Variants in PCDH9 observed in about 807,000 individuals in gnomAD.
The protein encoded by PCDH9 is protocadherin 9.
Under a neutral mutation model 70.6 loss-of-function variants are expected in PCDH9, and 24 were observed. The ratio of observed to expected loss-of-function variants is 0.34; its 90% CI spans 0.25 to 0.48. PCDH9 has a LOEUF of 0.48. PCDH9 is among the 20% of genes least tolerant of loss of function. The pLI, the probability that PCDH9 is intolerant of heterozygous loss-of-function variation, is 0.99. For synonymous variants in PCDH9, 562 were observed against 558.5 expected (o/e 1.01, Z -0.09); for missense variants, 1,281 against 1,503.6 (o/e 0.85, Z 2.45).
chr13:66,684,503 G>C (rs1259382877), intron 3 of PCDH9, among the ~76,000 whole-genome samples: 1 of 152,148 alleles, frequency 6.6e-6, no homozygotes, highest in African/African-American at 2.4e-5. Flanking sequence ...TACTGTCCTT[G>C]ACAGTGAATG....
At chr13:66,631,550 A>G in intron 3 of PCDH9, 139 bp from the exon 4 acceptor site, 1 of 600,052 alleles carries the variant, frequency 1.7e-6, no homozygotes, top group Non-Finnish European at 3.0e-6. Context: ...AAAGCTAAGA[A>G]CAAGTATTAA....
At chr13:67,180,725 C>T (rs1265304960) in intron 2 of PCDH9, among the ~76,000 whole-genome samples, 1 of 152,138 alleles carries the variant, frequency 6.6e-6, no homozygotes, top group Non-Finnish European at 1.5e-5. Context: ...CTATCTATTG[C>T]TCCTTCTACC....
intron 4 of PCDH9, among the ~76,000 whole-genome samples, chr13:66,544,444 G>A (rs555893552): frequency 1.3e-5 from 2 of 152,266 alleles, no homozygotes; most frequent in Admixed American, 6.5e-5. Flanking sequence ...AGGCAGGTGA[G>A]CCCCCGAATT....
At chr13:66,765,104 TTC>T (rs1384570175) in intron 3 of PCDH9, among the ~76,000 whole-genome samples, 2 of 151,220 alleles carry the variant, frequency 1.3e-5, no homozygotes, top group East Asian at 1.9e-4. Flanking sequence ...CTCTGTATCT[TTC>T]TCTCTCTCTT....
intron 2 of PCDH9, chr13:67,217,403 C>T (rs181675501): frequency 3.6e-4 from 55 of 152,120 alleles, no homozygotes; most frequent in Admixed American, 1.7e-3. Flanking sequence ...ATATGGATTA[C>T]ACACTTTTTC....
intron 3 of PCDH9, among the ~76,000 whole-genome samples, chr13:66,783,402 A>T (rs980805093): frequency 6.6e-6 from 1 of 152,128 alleles, no homozygotes; most frequent in African/African-American, 2.4e-5. Context: ...ATGCCAAAAA[A>T]ATTAACAGAC....
chr13:66,724,588 C>T (rs1033604661), intron 3 of PCDH9, among the ~76,000 whole-genome samples: 1 of 152,194 alleles, frequency 6.6e-6, no homozygotes, highest in Non-Finnish European at 1.5e-5. Flanking sequence ...ACCACAATCT[C>T]TGCAGCCATT....
chr13:66,583,680 T>A (rs2076925695), intron 4 of PCDH9, among the ~76,000 whole-genome samples: 1 of 152,166 alleles, frequency 6.6e-6, no homozygotes, highest in Admixed American at 6.5e-5. Flanking sequence ...AATCATGTTC[T>A]CTGTTTAGCA....
chr13:66,504,031 C>T (rs911426219), intron 4 of PCDH9, among the ~76,000 whole-genome samples: 1 of 152,172 alleles, frequency 6.6e-6, no homozygotes, highest in Non-Finnish European at 1.5e-5. Context: ...CATCAATATG[C>T]TAAGGACAGA....
chr13:66,417,147 G>C (rs1957475754), intron 4 of PCDH9, among the ~76,000 whole-genome samples: 1 of 152,004 alleles, frequency 6.6e-6, no homozygotes, highest in South Asian at 2.1e-4. Flanking sequence ...ATCTACCTTA[G>C]GTATTTCTCC....
At chr13:66,510,367 A>G (rs1959407902) in intron 4 of PCDH9, among the ~76,000 whole-genome samples, 1 of 151,586 alleles carries the variant, frequency 6.6e-6, no homozygotes, top group Non-Finnish European at 1.5e-5. Flanking sequence ...ATATATACAT[A>G]TTTTTTATTA....
chr13:67,225,548 G>A lies in PCDH9; in HGVS notation c.2893C>T (p.Gln965Ter). 6.2e-7 allele frequency: 1 copy of A among 1,614,140 alleles called. No individual in the cohort carries two copies. Among genetic ancestry groups the A allele is most frequent in the Non-Finnish European group, 8.5e-7 (1 of 1,180,022 alleles). ...PVSVKKHHVI[Q>*]ELPLDNTFVG... Reference sequence around the variant, plus strand: ...AAGGTGTTGTCCAAAGGGAGTTCCTGAATCACGTGGTGCTTTTTCACGGAA... The same window carrying A: ...AAGGTGTTGTCCAAAGGGAGTTCCTAAATCACGTGGTGCTTTTTCACGGAA... Residue 965 changes from glutamine to a stop codon, truncating the protein, a stop_gained, in exon 2 of 5, where the codon CAG (glutamine) becomes TAG (stop). Transcript: ENST00000377865. LOFTEE classifies it high-confidence loss of function.
intron 3 of PCDH9, among the ~76,000 whole-genome samples, chr13:66,782,241 T>G (rs1172835305): frequency 6.6e-6 from 1 of 152,196 alleles, no homozygotes; most frequent in Admixed American, 6.6e-5. Flanking sequence ...TAGAAGAATT[T>G]TAATGGCACA....
intron 2 of PCDH9, among the ~76,000 whole-genome samples, chr13:66,911,629 C>T (rs1249853610): frequency 6.6e-6 from 1 of 152,156 alleles, no homozygotes; most frequent in Non-Finnish European, 1.5e-5. Context: ...ATGGTCTACA[C>T]TTTACAATTT....
intron 4 of PCDH9, among the ~76,000 whole-genome samples, chr13:66,400,919 G>A (rs1338630059): frequency 6.6e-6 from 1 of 152,138 alleles, no homozygotes; most frequent in Non-Finnish European, 1.5e-5. Flanking sequence ...ACCAGGGATT[G>A]ATAATGTCAT....
intron 4 of PCDH9, among the ~76,000 whole-genome samples, chr13:66,371,456 G>T (rs1400797796): frequency 2.0e-5 from 3 of 151,982 alleles, no homozygotes; most frequent in Non-Finnish European, 2.9e-5. Flanking sequence ...TATTTCAAGG[G>T]ATATATCTTT....
intron 2 of PCDH9, among the ~76,000 whole-genome samples, chr13:67,156,611 C>A (rs781430651): frequency 2.6e-5 from 4 of 152,258 alleles, no homozygotes; most frequent in Non-Finnish European, 4.4e-5. Context: ...TAAAAGCTTG[C>A]ACTCATTCTC....
chr13:66,654,443 T>C lies in PCDH9; in HGVS notation c.3139-23032A>G, dbSNP rs565137084. ...AACTACAGTCAACAATAATTTATTGTATATTTTAGAATTACTATAAGAGTA... is the reference window on the plus strand; with the variant it reads ...AACTACAGTCAACAATAATTTATTGCATATTTTAGAATTACTATAAGAGTA... On this transcript the variant is annotated intron_variant, in intron 3 of 4. Transcript: ENST00000377865. Among the ~76,000 whole-genome samples the C allele has an allele frequency of 1.4e-4, 22 of 152,258 alleles. No individual in the cohort carries two copies. The South Asian group carries it at 3.9e-3, about 27-fold the overall frequency.
At chr13:66,814,749 A>G (rs2080570749) in intron 3 of PCDH9, among the ~76,000 whole-genome samples, 1 of 152,186 alleles carries the variant, frequency 6.6e-6, no homozygotes, top group African/African-American at 2.4e-5. Flanking sequence ...ACCATATTCT[A>G]AAATCAACTC....
Sources: gnomAD v4.1 joint callset for allele counts (sites outside exome capture counted in the v4.1 genomes callset) on GRCh38, gnomAD v4.1.1 for gene constraint, MANE v1.5 for transcripts, NCBI Gene and HGNC (gene_info 2026-07-23, HGNC 2026-07-21) for gene names.